PMFBP1: variants seen among roughly 807,000 people sequenced by gnomAD.
PMFBP1 encodes polyamine-modulated factor 1-binding protein 1.
PMFBP1 carries 131 observed loss-of-function variants against 137.8 expected under a neutral mutation model. The observed-to-expected ratio is 0.95, with a 90% CI of 0.82 to 1.10. The LOEUF is 1.10. Ranked by LOEUF, PMFBP1 falls within the 50% of genes least tolerant of loss-of-function variation. The pLI, the probability that PMFBP1 is intolerant of heterozygous loss-of-function variation, is 0.00. For missense variants in PMFBP1, 1,199 were observed against 1,175.4 expected, an observed-to-expected ratio of 1.02 and a Z score of -0.29; for synonymous variants, 490 against 450.4, an observed-to-expected ratio of 1.09 and a Z score of -1.11.
At chr16:72,162,862 T>C (rs1170898770) in intron 3 of PMFBP1, among the ~76,000 whole-genome samples, 1 of 152,244 alleles carries the variant, frequency 6.6e-6, no homozygotes, top group African/African-American at 2.4e-5. Flanking sequence ...AAAATGTTAA[T>C]ATTTAGAAAG....
the PMFBP1 span, among the ~76,000 whole-genome samples, chr16:72,211,162 T>C: frequency 6.6e-6 from 1 of 151,988 alleles, no homozygotes; most frequent in African/African-American, 2.4e-5. Context: ...GGGACTTAGG[T>C]CTTATGAAAC....
intron 2 of PMFBP1, among the ~76,000 whole-genome samples, chr16:72,165,416 TTC>T (rs924667130): frequency 2.6e-5 from 4 of 151,850 alleles, no homozygotes; most frequent in African/African-American, 9.7e-5. Flanking sequence ...TTTTCTTTCT[TTC>T]TTTTTTTTTT....
intron 5 of PMFBP1, among the ~76,000 whole-genome samples, chr16:72,143,149 G>T (rs2042748236): frequency 1.3e-5 from 2 of 152,110 alleles, no homozygotes; most frequent in South Asian, 4.1e-4. Context: ...TTCTTGATAA[G>T]CTAAATATAG....
intron 5 of PMFBP1, among the ~76,000 whole-genome samples, chr16:72,145,922 G>A (rs1002505580): frequency 2.6e-5 from 4 of 152,096 alleles, no homozygotes; most frequent in Non-Finnish European, 5.9e-5. Context: ...AGGACCAGAC[G>A]AATTCACAAC....
chr16:72,163,569 T>C (rs1385474493), intron 3 of PMFBP1, among the ~76,000 whole-genome samples: 1 of 152,108 alleles, frequency 6.6e-6, no homozygotes, highest in African/African-American at 2.4e-5. Context: ...GAGGGTCAAG[T>C]AGTAGTTGAT....
At chr16:72,122,186 A>C (rs2042386297) in intron 19 of PMFBP1, among the ~76,000 whole-genome samples, 1 of 152,212 alleles carries the variant, frequency 6.6e-6, no homozygotes, top group Admixed American at 6.5e-5. Flanking sequence ...GCTAAGGATA[A>C]TAGCCTCTAG....
chr16:72,129,325 G>T, intron 12 of PMFBP1, 92 bp from the exon 13 acceptor site: 1 of 1,389,364 alleles, frequency 7.2e-7, no homozygotes, highest in Non-Finnish European at 9.7e-7. Context: ...GCATGGCTGA[G>T]ATGAAGAAGA....
chr16:72,231,161 A>G, the PMFBP1 span, among the ~76,000 whole-genome samples: 1 of 152,180 alleles, frequency 6.6e-6, no homozygotes, highest in Non-Finnish European at 1.5e-5. Flanking sequence ...GATTAAGGTG[A>G]AGTTCTCCAG....
At chr16:72,188,182 T>C in the PMFBP1 span, among the ~76,000 whole-genome samples, 1 of 152,246 alleles carries the variant, frequency 6.6e-6, no homozygotes, top group East Asian at 1.9e-4. Flanking sequence ...GAAAATGAAG[T>C]GTTCAGAAAC....
rs35349842 is a variant in PMFBP1, at chr16:72,138,912, CAA to C, written c.918+375_918+376del. On this transcript the variant is annotated intron_variant, in intron 7 of 20. Coordinates refer to ENST00000237353, the MANE Select transcript of PMFBP1 (RefSeq NM_031293.3). ...TTGAATTTTGCAAACACAGAGTTCT[CAA>C]AAAAAAAAAAAAAAGCAGGGGGAAT... is the stretch of plus-strand genomic sequence containing the variant. 7.0e-4 allele frequency among the ~76,000 whole-genome samples: 84 copies of C among 120,134 alleles called. 2 individuals are homozygous for C. The highest frequency in any genetic ancestry group is 2.1e-3 in the Admixed American group (24 of 11,176). 78.8% of individuals were successfully genotyped at this position (120,134 alleles called of 152,430 possible). A position where few individuals can be genotyped will look rare whatever the true frequency, so the allele number is the denominator to read the frequency against.
intron 14 of PMFBP1, 27 bp from the exon 15 acceptor site, chr16:72,126,159 AG>A: frequency 6.2e-7 from 1 of 1,611,122 alleles, no homozygotes; most frequent in Non-Finnish European, 8.5e-7. Context: ...CAGAACTGTC[AG>A]GGTGCCAGGT....
At chr16:72,167,564 C>G (rs2043163132) in intron 2 of PMFBP1, among the ~76,000 whole-genome samples, 1 of 152,184 alleles carries the variant, frequency 6.6e-6, no homozygotes, top group Admixed American at 6.5e-5. Flanking sequence ...AAATCCTTAA[C>G]TCGATGAAGA....
intron 4 of PMFBP1, among the ~76,000 whole-genome samples, chr16:72,151,704 T>G (rs2042905078): frequency 6.6e-6 from 1 of 152,182 alleles, no homozygotes; most frequent in African/African-American, 2.4e-5. Flanking sequence ...TTGTGTAAGG[T>G]GTCTACTACG....
chr16:72,203,677 CCAA>C, the PMFBP1 span, among the ~76,000 whole-genome samples: 17 of 152,264 alleles, frequency 1.1e-4, no homozygotes, highest in African/African-American at 4.1e-4. Flanking sequence ...TTCCTGATCA[CCAA>C]CGAGGCAGCA....
intron 10 of PMFBP1, 156 bp downstream of exon 10, chr16:72,132,592 T>C: frequency 1.6e-6 from 2 of 1,218,792 alleles, no homozygotes; most frequent in Non-Finnish European, 2.3e-6. Context: ...CGGTGGCCAC[T>C]GCTGTGAGGT....
intron 5 of PMFBP1, among the ~76,000 whole-genome samples, chr16:72,141,478 GT>G (rs2042721325): frequency 6.6e-6 from 1 of 152,146 alleles, no homozygotes; most frequent in African/African-American, 2.4e-5. Flanking sequence ...AGAGATGACA[GT>G]CTGTGCATAT....
chr16:72,215,713 A>G, the PMFBP1 span, among the ~76,000 whole-genome samples: 1 of 152,136 alleles, frequency 6.6e-6, no homozygotes, highest in Non-Finnish European at 1.5e-5. Context: ...TTAAGTAAGT[A>G]CTCCCTGTAA....
intron 2 of PMFBP1, 127 bp from the exon 3 acceptor site, chr16:72,165,043 T>G (rs1307551522): frequency 4.2e-6 from 4 of 950,354 alleles, no homozygotes; most frequent in Non-Finnish European, 4.5e-6. Context: ...TAGCTGTTAT[T>G]ACTCATCCTG....
In PMFBP1 at chr16:72,124,897, C is replaced by G; in HGVS notation, c.2459G>C (p.Cys820Ser). ...AFDKKLEEMSCQVLQWQKQHQ... is the reference protein window; with the variant it reads ...AFDKKLEEMSSQVLQWQKQHQ... The stretch of plus-strand genomic sequence containing the variant: ...TTGCTTCTGCCACTGCAGCACCTGG[C>G]AGCTCATCTCCTCTAGCTTCTTGTC... The change falls in exon 17 of 21, where the codon TGC becomes TCC. Residue 820 changes from cysteine to serine, a missense_variant. Cys to Ser is a moderately radical substitution (Grantham distance 112). Coordinates refer to ENST00000237353, the MANE Select transcript of PMFBP1 (RefSeq NM_031293.3). The G allele has an allele frequency of 1.2e-6, 2 of 1,614,184 alleles. No individual in the cohort carries two copies. The highest frequency in any genetic ancestry group is 2.2e-5 in the East Asian group (1 of 44,872).
Sources: gnomAD v4.1 joint callset for allele counts (sites outside exome capture counted in the v4.1 genomes callset) on GRCh38, gnomAD v4.1.1 for gene constraint, MANE v1.5 for transcripts, NCBI Gene and HGNC (gene_info 2026-07-23, HGNC 2026-07-21) for gene names.